TMPO: variants seen among roughly 807,000 people sequenced by gnomAD.
TMPO encodes the protein thymopoietin.
A neutral mutation model predicts 45.4 loss-of-function variants in TMPO; 22 were observed. The observed-to-expected ratio is 0.48, with a 90% CI of 0.35 to 0.69. The LOEUF is 0.69. Ranked by LOEUF, TMPO falls within the 30% of genes least tolerant of loss-of-function variation. TMPO has a pLI of 0.01. For missense variants in TMPO, 512 were observed against 548.8 expected, an observed-to-expected ratio of 0.93 and a Z score of 0.67; for synonymous variants, 241 against 204.1, an observed-to-expected ratio of 1.18 and a Z score of -1.54.
intron 3 of TMPO, 120 bp downstream of exon 3, chr12:98,531,958 C>A: frequency 1.3e-6 from 1 of 760,516 alleles, no homozygotes; most frequent in South Asian, 1.9e-5. Flanking sequence ...TTATTCGTGT[C>A]ATTAGAGTAA....
At chr12:98,544,801 G>A (rs1878123494) in intron 6 of TMPO, 150 bp from the exon 7 acceptor site, 2 of 696,268 alleles carry the variant, frequency 2.9e-6, no homozygotes, top group South Asian at 3.4e-5. Context: ...TCATATGTGA[G>A]GCACTAAGTT....
At chr12:98,535,263 T>C (rs1033839008) in intron 3 of TMPO, 1 of 982,460 alleles carries the variant, frequency 1.0e-6, no homozygotes, top group Non-Finnish European at 1.2e-6. Flanking sequence ...ATATAGACTC[T>C]AAAAGCAAAT....
intron 4 of TMPO, among the ~76,000 whole-genome samples, chr12:98,539,366 A>G (rs1258116583): frequency 2.0e-5 from 3 of 151,638 alleles, no homozygotes; most frequent in Non-Finnish European, 2.9e-5. Flanking sequence ...CATGTAGAAG[A>G]GTGGAGGGAA....
intron 6 of TMPO, 35 bp downstream of exon 6, chr12:98,544,572 C>G: frequency 6.5e-7 from 1 of 1,531,628 alleles, no homozygotes; most frequent in Non-Finnish European, 9.0e-7. Flanking sequence ...AAGTGGTATT[C>G]TTTGTAAATT....
At position 98,547,556 on chromosome 12, in the gene TMPO, C is replaced by A; in HGVS notation, c.1080-17C>A. The A allele has an allele frequency of 6.2e-7, 1 of 1,613,968 alleles. No individual in the cohort carries two copies. The highest frequency in any genetic ancestry group is 2.2e-5 in the East Asian group (1 of 44,888). ...TATCTAAAATTATTTTTCTTTTCCTCCTTTCACTCCCAACAGTGCTAGTTG... is the reference window on the plus strand; with the variant it reads ...TATCTAAAATTATTTTTCTTTTCCTACTTTCACTCCCAACAGTGCTAGTTG... On this transcript the variant is annotated splice_polypyrimidine_tract_variant and intron_variant, in intron 8 of 8. Coordinates refer to ENST00000556029, the MANE Select transcript of TMPO (RefSeq NM_001032283.3).
At position 98,547,878 on chromosome 12, in the gene TMPO, T is replaced by A; in HGVS notation, c.*20T>A. On this transcript the variant is annotated 3_prime_UTR_variant, in exon 9 of 9. Coordinates refer to ENST00000556029, the MANE Select transcript of TMPO (RefSeq NM_001032283.3). ...AACTGAATGGTATCTCTTTGGCACGTTCAACTTGGTCTCCTATTTTCAATA... is the reference window on the plus strand; with the variant it reads ...AACTGAATGGTATCTCTTTGGCACGATCAACTTGGTCTCCTATTTTCAATA... 1 of 1,612,990 alleles carries A rather than the reference T, an allele frequency of 6.2e-7. No individual in the cohort carries two copies. The highest frequency in any genetic ancestry group is 8.5e-7 in the Non-Finnish European group (1 of 1,179,570).
At chr12:98,528,280 G>GT (rs1876935346) in intron 2 of TMPO, among the ~76,000 whole-genome samples, 1 of 120,034 alleles carries the variant, frequency 8.3e-6, no homozygotes, top group Non-Finnish European at 1.8e-5. Context: ...GTTTTGTTTT[G>GT]TTTTTTGTTT....
At chr12:98,516,340 G>T (rs1008920749) in intron 1 of TMPO, 194 bp downstream of exon 1, 2 of 1,220,942 alleles carry the variant, frequency 1.6e-6, no homozygotes, top group African/African-American at 3.2e-5. Context: ...AGTTGGGGCC[G>T]CGGGGTTCGC....
chr12:98,524,923 G>A (rs1846830623), intron 1 of TMPO, among the ~76,000 whole-genome samples: 1 of 152,180 alleles, frequency 6.6e-6, no homozygotes, highest in Admixed American at 6.5e-5. Context: ...CCTCTCAGGC[G>A]GGTTTGAAAA....
chr12:98,535,100 T>G, intron 3 of TMPO: 1 of 976,128 alleles, frequency 1.0e-6, no homozygotes, highest in Middle Eastern at 5.3e-4. Flanking sequence ...ACCAGTACCA[T>G]GGACCACACT....
chr12:98,532,922 T>A lies in TMPO; in HGVS notation c.565+1084T>A, dbSNP rs767247716. On this transcript the variant is annotated intron_variant, in intron 3 of 8. Transcript: ENST00000556029. ...TCTGGTGGTGGATTTTTTCAGGGTA[T>A]TTCTTTTCCTGAAATCTCCACCCGT... The A allele has an allele frequency of 2.5e-6, 4 of 1,614,150 alleles. No homozygotes were observed. Among genetic ancestry groups the A allele is most frequent in the Middle Eastern group, 3.3e-4 (2 of 6,062 alleles).
In TMPO at chr12:98,542,451, CTT is replaced by C. The variant is rs35487542; in HGVS notation, c.664-1764_664-1763del. The stretch of plus-strand genomic sequence containing the variant: ...TGGTTATGGTAGTTGGGGGCATTTG[CTT>C]TTTTTTTTTTTTTTAAAGCTCTCCT... On this transcript the variant is annotated intron_variant, in intron 4 of 8. Transcript: ENST00000556029. 5.1e-5 allele frequency among the ~76,000 whole-genome samples: 7 copies of C among 138,292 alleles called. No individual in the cohort carries two copies. The East Asian group carries it at 6.5e-4, about 13-fold the overall frequency. 90.7% of individuals were successfully genotyped at this position (138,292 alleles called of 152,430 possible). A position where few individuals can be genotyped will look rare whatever the true frequency, so the allele number is the denominator to read the frequency against.
intron 1 of TMPO, among the ~76,000 whole-genome samples, chr12:98,518,141 G>C (rs865836458): frequency 8.2e-6 from 1 of 122,518 alleles, no homozygotes; most frequent in African/African-American, 3.6e-5. Flanking sequence ...GCGAGACTTC[G>C]TCTCAAAAAA....
chr12:98,523,326 G>C (rs1403306216), intron 1 of TMPO, among the ~76,000 whole-genome samples: 2 of 152,140 alleles, frequency 1.3e-5, no homozygotes, highest in Non-Finnish European at 2.9e-5. Flanking sequence ...GGCCGAGGCA[G>C]GTGGATCACC....
At chr12:98,538,425 C>T in intron 4 of TMPO, among the ~76,000 whole-genome samples, 1 of 152,206 alleles carries the variant, frequency 6.6e-6, no homozygotes, top group Admixed American at 6.5e-5. Context: ...GATCCCATCT[C>T]ATTGCAACCT....
rs1306874341 is a variant in TMPO at position 98,535,153 on chromosome 12, G to C, written c.566-2322G>C. 4 of 985,084 alleles carry C rather than the reference G, an allele frequency of 4.1e-6. No individual in the cohort carries two copies. The African/African-American group carries it at 7.0e-5, about 17-fold the overall frequency. The allele number at this position is 985,084 out of a possible 1,614,324, so 61.0% of individuals were successfully genotyped here. On this transcript the variant is annotated intron_variant, in intron 3 of 8. Transcript: ENST00000556029. ...GGATAATAATAGATATCCTGGGATA[G>C]TGCATGTTCACCATCTATTTTGTCA...
At chr12:98,542,574 T>C (rs1438112944) in intron 4 of TMPO, among the ~76,000 whole-genome samples, 1 of 152,062 alleles carries the variant, frequency 6.6e-6, no homozygotes, top group Non-Finnish European at 1.5e-5. Flanking sequence ...AAAAACCACT[T>C]ACTCTGGCCA....
intron 3 of TMPO, among the ~76,000 whole-genome samples, chr12:98,536,783 T>TG (rs1040283145): frequency 3.9e-5 from 6 of 152,248 alleles, no homozygotes; most frequent in African/African-American, 1.4e-4. Flanking sequence ...ATAACTATCA[T>TG]GGTGACAAGT....
intron 1 of TMPO, among the ~76,000 whole-genome samples, chr12:98,525,734 G>A (rs1480042740): frequency 8.0e-6 from 1 of 124,490 alleles, no homozygotes; most frequent in East Asian, 2.4e-4. Flanking sequence ...GTGAGGCACA[G>A]TCTCAAAAAA....
Sources: gnomAD v4.1 joint callset for allele counts (sites outside exome capture counted in the v4.1 genomes callset) on GRCh38, gnomAD v4.1.1 for gene constraint, MANE v1.5 for transcripts, NCBI Gene and HGNC (gene_info 2026-07-23, HGNC 2026-07-21) for gene names.